SYNE3: variants seen among roughly 807,000 people sequenced by gnomAD.
SYNE3 encodes spectrin repeat containing nuclear envelope family member 3.
SYNE3 carries 100 observed loss-of-function variants against 111.2 expected under a neutral mutation model. That is an observed-to-expected ratio of 0.90 (90% CI 0.77 to 1.06). SYNE3 has a LOEUF of 1.06. Ranked by LOEUF, SYNE3 falls within the 50% of genes least tolerant of loss-of-function variation. SYNE3 has a pLI of 0.00. For synonymous variants in SYNE3, 547 were observed against 533.9 expected, an observed-to-expected ratio of 1.02 and a Z score of -0.34; for missense variants, 1,160 against 1,240.3, an observed-to-expected ratio of 0.94 and a Z score of 0.97.
In SYNE3 at chr14:95,466,234, G is replaced by A. The variant is rs1888165907; in HGVS notation, c.324C>T (p.Ile108=). 5 of 1,566,696 alleles carry A rather than the reference G, an allele frequency of 3.2e-6. No individual in the cohort carries two copies. Among genetic ancestry groups the A allele is most frequent in the East Asian group, 4.6e-5 (2 of 43,938 alleles). ...CGCTCCAGTGCAGCCACACCCACTC[G>A]ATGCGGCTGTGGGCACAGAGACCTC... ...VTYMTHCHSR[I]EWVWLHWSEY... is the part of the protein sequence containing the mutation. Residue 108 remains isoleucine (I), a synonymous_variant, in exon 4 of 18, where the codon ATC becomes ATT. Coordinates refer to ENST00000682763, the MANE Select transcript of SYNE3 (RefSeq NM_152592.6).
At chr14:95,465,706 G>T (rs569591609) in intron 4 of SYNE3, among the ~76,000 whole-genome samples, 40 of 152,226 alleles carry the variant, frequency 2.6e-4, no homozygotes, top group Non-Finnish European at 1.5e-5. Flanking sequence ...GATAGTGAAG[G>T]GGAGATTTGG....
At chr14:95,419,481 G>A (rs72692741) in intron 17 of SYNE3, among the ~76,000 whole-genome samples, 20,350 of 152,004 alleles carry the variant, frequency 0.13, 1,456 homozygotes, top group Middle Eastern at 0.16. Flanking sequence ...ATTAGTAACT[G>A]TTAGTGACAT....
intron 15 of SYNE3, among the ~76,000 whole-genome samples, chr14:95,433,693 G>A (rs1377477428): frequency 6.6e-6 from 1 of 152,204 alleles, no homozygotes; most frequent in Non-Finnish European, 1.5e-5. Flanking sequence ...TCCTCCAGAG[G>A]GCTTGACTAG....
At position 95,475,505 on chromosome 14, in the gene SYNE3, C is replaced by T. The variant is rs142885897; in HGVS notation, c.144+173G>A. Among the ~76,000 whole-genome samples, 135 of 152,334 alleles carry T rather than the reference C, an allele frequency of 8.9e-4. 1 individual carries two copies. In the East Asian group the frequency reaches 0.015, roughly 17 times the overall value. ...AGTCTCGGACTTCACCTCCATGACC[C>T]GATCAGAGTCTACACTTAAACAAAA... On this transcript the variant is annotated intron_variant, in intron 2 of 17. Transcript: ENST00000682763.
intron 4 of SYNE3, 95 bp from the exon 5 acceptor site, chr14:95,457,433 T>G: frequency 6.9e-7 from 1 of 1,444,084 alleles, no homozygotes; most frequent in Non-Finnish European, 9.4e-7. Context: ...TGTGTGTGTG[T>G]GTGTGTGTGT....
intron 8 of SYNE3, among the ~76,000 whole-genome samples, chr14:95,446,693 T>G (rs772157463): frequency 6.6e-6 from 1 of 152,206 alleles, no homozygotes; most frequent in Non-Finnish European, 1.5e-5. Context: ...ACTACTGATG[T>G]GCAGGAGTTT....
At chr14:95,468,070 A>G (rs1219208187) in intron 2 of SYNE3, 103 bp from the exon 3 acceptor site, 2 of 1,353,066 alleles carry the variant, frequency 1.5e-6, no homozygotes, top group African/African-American at 2.9e-5. Context: ...CTCGAAGGCC[A>G]GAGGATCTGG....
intron 1 of SYNE3, among the ~76,000 whole-genome samples, chr14:95,491,530 G>T (rs1315701041): frequency 6.6e-6 from 1 of 152,082 alleles, no homozygotes; most frequent in African/African-American, 2.4e-5. Flanking sequence ...ACATGAAAAA[G>T]AATGAGATTA....
At chr14:95,433,001 T>C (rs1380638022) in intron 16 of SYNE3, among the ~76,000 whole-genome samples, 1 of 152,122 alleles carries the variant, frequency 6.6e-6, no homozygotes, top group East Asian at 1.9e-4. Context: ...TAGGAAGCAC[T>C]CCTTACACAT....
chr14:95,471,289 T>A (rs1241057389), intron 2 of SYNE3, among the ~76,000 whole-genome samples: 1 of 152,192 alleles, frequency 6.6e-6, no homozygotes, highest in Non-Finnish European at 1.5e-5. Context: ...GTCTGGAATG[T>A]CCCATGCGGA....
At chr14:95,449,754 G>A (rs944239182) in intron 8 of SYNE3, 177 bp downstream of exon 8, 4 of 959,322 alleles carry the variant, frequency 4.2e-6, no homozygotes, top group Admixed American at 6.2e-5. Flanking sequence ...CTTTGTCAGT[G>A]TAACAAGCAA....
intron 8 of SYNE3, among the ~76,000 whole-genome samples, chr14:95,448,940 A>C (rs1055857484): frequency 2.0e-5 from 3 of 152,150 alleles, no homozygotes; most frequent in African/African-American, 7.2e-5. Context: ...TTTCTTCTTC[A>C]CACACCTTTA....
At chr14:95,471,494 G>A (rs964827956) in intron 2 of SYNE3, among the ~76,000 whole-genome samples, 4 of 152,316 alleles carry the variant, frequency 2.6e-5, no homozygotes, top group African/African-American at 9.6e-5. Context: ...TGGTCCAAAG[G>A]CAGGCAAGAC....
chr14:95,441,888 G>A (rs1469284091), intron 11 of SYNE3, among the ~76,000 whole-genome samples: 1 of 152,230 alleles, frequency 6.6e-6, no homozygotes, highest in African/African-American at 2.4e-5. Flanking sequence ...ATACTAGGTG[G>A]AGTGAGAGGG....
chr14:95,453,569 A>C (rs372862255), intron 6 of SYNE3, among the ~76,000 whole-genome samples: 2 of 152,248 alleles, frequency 1.3e-5, no homozygotes, highest in Non-Finnish European at 2.9e-5. Flanking sequence ...TAGCAAACAT[A>C]ATGACGTCTA....
At chr14:95,433,940 C>A (rs1885936084) in intron 15 of SYNE3, among the ~76,000 whole-genome samples, 1 of 152,044 alleles carries the variant, frequency 6.6e-6, no homozygotes, top group Non-Finnish European at 1.5e-5. Flanking sequence ...CTGGCTCTGC[C>A]CCATTCTACT....
chr14:95,455,522 C>T lies in SYNE3; in HGVS notation c.992G>A (p.Gly331Glu), dbSNP rs769427891. The T allele has an allele frequency of 1.2e-6, 2 of 1,613,816 alleles. No individual in the cohort carries two copies. Among genetic ancestry groups the T allele is most frequent in the South Asian group, 2.2e-5 (2 of 91,070 alleles). ...ERLRGLLRSR[G>E]AWEQQIKQLE... ...CTGCTTAATCTGCTGCTCCCAGGCTCCCCTGGACCGGAGCAGGCCCCGCAG... is the reference window on the plus strand; with the variant it reads ...CTGCTTAATCTGCTGCTCCCAGGCTTCCCTGGACCGGAGCAGGCCCCGCAG... The change falls in exon 6 of 18, where the codon GGA becomes GAA. Residue 331 changes from glycine to glutamate, a missense_variant. Transcript: ENST00000682763.
At chr14:95,482,055 A>G (rs2139537823) in intron 1 of SYNE3, among the ~76,000 whole-genome samples, 1 of 152,312 alleles carries the variant, frequency 6.6e-6, no homozygotes, top group Non-Finnish European at 1.5e-5. Flanking sequence ...TGGCTTTGCA[A>G]TGCCACTGGT....
rs201231576 is a variant in SYNE3, at chr14:95,449,933, C to T, written c.1447G>A (p.Glu483Lys). 2.6e-6 allele frequency: 4 copies of T among 1,552,502 alleles called. No homozygotes were observed. Among genetic ancestry groups the T allele is most frequent in the Non-Finnish European group, 3.5e-6 (4 of 1,147,692 alleles). ...PSLHTFLPQIEAALMESSRLK... is the reference protein window; with the variant it reads ...PSLHTFLPQIKAALMESSRLK... ...CCAGTTGGCAGGACCACGGTTACCT[C>T]GATCTGGGGCAGGAAGGTGTGAAGG... The change falls in exon 8 of 18, where the codon GAG becomes AAG. Residue 483 changes from glutamate (E) to lysine (K), a missense_variant and splice_region_variant. Glu to Lys is a moderately conservative substitution (Grantham distance 56). Transcript: ENST00000682763.
Sources: gnomAD v4.1 joint callset for allele counts (sites outside exome capture counted in the v4.1 genomes callset) on GRCh38, gnomAD v4.1.1 for gene constraint, MANE v1.5 for transcripts, NCBI Gene and HGNC (gene_info 2026-07-23, HGNC 2026-07-21) for gene names.